The following DOK4 variants were observed in gnomAD, a reference collection of about 807,000 sequenced individuals.
The protein encoded by DOK4 is docking protein 4.
A neutral mutation model predicts 40.1 loss-of-function variants in DOK4; 26 were observed. The ratio of observed to expected loss-of-function variants is 0.65; its 90% CI spans 0.48 to 0.90. The LOEUF is 0.90. DOK4 is among the 40% of genes least tolerant of loss of function. DOK4 has a pLI of 0.00. For missense variants in DOK4, 392 were observed against 437.2 expected, an observed-to-expected ratio of 0.90 and a Z score of 0.92; for synonymous variants, 179 against 177.0, an observed-to-expected ratio of 1.01 and a Z score of -0.09.
chr16:57,484,266 C>T (rs2031489675), intron 1 of DOK4: 1 of 152,266 alleles, frequency 6.6e-6, no homozygotes, highest in Admixed American at 6.5e-5. Context: ...CAGGAACAGC[C>T]CTACCTGGAC....
chr16:57,482,399 C>G lies in DOK4; in HGVS notation c.-181-2711G>C, dbSNP rs192353668. Among the ~76,000 whole-genome samples, 43 of 129,946 alleles carry G rather than the reference C, an allele frequency of 3.3e-4. 1 individual carries two copies. Among genetic ancestry groups the G allele is most frequent in the Admixed American group, 1.8e-3 (22 of 12,082 alleles). 85.2% of individuals were successfully genotyped at this position (129,946 alleles called of 152,430 possible). ...TTTTTTTTTTTGAGACGGAGTCTCACTCTATTGCCCAGGCTGGAGTGCAGT... is the reference window on the plus strand; with the variant it reads ...TTTTTTTTTTTGAGACGGAGTCTCAGTCTATTGCCCAGGCTGGAGTGCAGT... On this transcript the variant is annotated intron_variant, in intron 1 of 8. Transcript: ENST00000340099.
intron 6 of DOK4, 51 bp from the exon 7 acceptor site, chr16:57,474,090 C>T: frequency 6.2e-7 from 1 of 1,606,938 alleles, no homozygotes; most frequent in Non-Finnish European, 8.5e-7. Context: ...CACAGACATG[C>T]ATGTGATTAG....
chr16:57,479,352 G>A lies in DOK4; in HGVS notation c.66+90C>T, dbSNP rs1282852227. The A allele has an allele frequency of 7.9e-5, 113 of 1,437,552 alleles. No homozygotes were observed. Among genetic ancestry groups the A allele is most frequent in the Non-Finnish European group, 9.2e-5 (96 of 1,042,832 alleles). 89.0% of individuals were successfully genotyped at this position (1,437,552 alleles called of 1,614,324 possible). A position where few individuals can be genotyped will look rare whatever the true frequency, so the allele number is the denominator to read the frequency against. ...TGCCCGGCAGCCGGAGGGCAGCCGC[G>A]TGCCCCACGCGCCATGCCTCCAAGC... On this transcript the variant is annotated intron_variant, in intron 2 of 8. Coordinates refer to ENST00000340099, the Ensembl canonical transcript of DOK4. The surrounding 1 kb of genome is among the most constrained non-coding windows in gnomAD (Gnocchi z 5.8).
intron 2 of DOK4, chr16:57,476,216 C>CA (rs2031176682): frequency 2.0e-6 from 1 of 505,870 alleles, no homozygotes; most frequent in East Asian, 3.6e-5. Flanking sequence ...CCTGACCTGC[C>CA]ATGTACTGTG....
At position 57,479,415 on chromosome 16, in the gene DOK4, GC is replaced by G; in HGVS notation, c.66+26del. The G allele has an allele frequency of 6.2e-7, 1 of 1,611,380 alleles. No individual in the cohort carries two copies. ...CCTCGGGCCCCCATCCCTTGGCAGG[GC>G]CCCTCCGCAGCTCAGGGTCACTCAC... On this transcript the variant is annotated intron_variant, in intron 2 of 8. Coordinates refer to ENST00000340099, the Ensembl canonical transcript of DOK4. The surrounding 1 kb of genome is among the most constrained non-coding windows in gnomAD (Gnocchi z 5.8).
At chr16:57,475,032 G>A (rs1324113444) in intron 5 of DOK4, 50 bp from the exon 6 acceptor site, 1 of 1,599,830 alleles carries the variant, frequency 6.3e-7, no homozygotes, top group African/African-American at 1.3e-5. Flanking sequence ...CCCAGATGGG[G>A]ACTTCCTCCC....
At chr16:57,483,459 C>T (rs993226717) in intron 1 of DOK4, among the ~76,000 whole-genome samples, 12 of 151,768 alleles carry the variant, frequency 7.9e-5, no homozygotes, top group Non-Finnish European at 1.8e-4. Flanking sequence ...AGAGAGACCC[C>T]GTCTCTACAA....
At chr16:57,475,480 G>GA in intron 4 of DOK4, 26 bp downstream of exon 4, 1 of 1,576,090 alleles carries the variant, frequency 6.3e-7, no homozygotes, top group Non-Finnish European at 8.6e-7. Context: ...AGGGGAGGCA[G>GA]ATGGAGGCCC....
In DOK4 at chr16:57,473,998, T is replaced by A. The variant is rs771689498; in HGVS notation, c.641A>T (p.Gln214Leu). ...GCGCTGGTAAATCTGCTCCCCCTCTTGTGTCTGGAAGGTATAGAGTCCTTC... is the reference window on the plus strand; with the variant it reads ...GCGCTGGTAAATCTGCTCCCCCTCTAGTGTCTGGAAGGTATAGAGTCCTTC... The change falls in exon 7 of 9, where the codon CAA becomes CTA. Residue 214 changes from glutamine to leucine, a missense_variant. Coordinates refer to ENST00000340099, the Ensembl canonical transcript of DOK4. The A allele has an allele frequency of 3.1e-6, 5 of 1,614,112 alleles. No individual in the cohort carries two copies. The East Asian group carries it at 1.1e-4, about 36-fold the overall frequency.
chr16:57,474,866 G>T, exon 6 of DOK4: 1 of 1,614,210 alleles, frequency 6.2e-7, no homozygotes, highest in African/African-American at 1.3e-5. Context: ...CACGAGACGA[G>T]CTTCACACGG....
At chr16:57,473,413 C>T (rs779698547) in exon 9 of DOK4, 2 of 1,614,118 alleles carry the variant, frequency 1.2e-6, no homozygotes, top group South Asian at 2.2e-5. Flanking sequence ...TGCTGTCCCC[C>T]TGGCTGGGCT....
intron 3 of DOK4, 57 bp from the exon 4 acceptor site, chr16:57,475,677 T>TCTCTCTCTCC: frequency 1.2e-6 from 1 of 848,482 alleles, no homozygotes; most frequent in Non-Finnish European, 1.8e-6. Flanking sequence ...TCTCTCTCTC[T>TCTCTCTCTCC]CTCTCTCTCT....
At chr16:57,484,445 C>T (rs563124299) in intron 1 of DOK4, among the ~76,000 whole-genome samples, 1 of 152,330 alleles carries the variant, frequency 6.6e-6, no homozygotes, top group East Asian at 1.9e-4. Context: ...CCCATAGGGG[C>T]CACCGGCCAA....
chr16:57,475,319 G>T, intron 4 of DOK4, 100 bp from the exon 5 acceptor site: 3 of 1,543,290 alleles, frequency 1.9e-6, no homozygotes, highest in South Asian at 1.2e-5. Context: ...GGAGGGTAAG[G>T]ACAGTGGGTT....
chr16:57,473,272 C>T lies in DOK4; in HGVS notation c.*105G>A. The stretch of plus-strand genomic sequence containing the variant: ...AAGGAGGGGGCAGCTTGCTCCCTTT[C>T]TCCAGGCTCTTGGCCGACAGCCCCC... On this transcript the variant is annotated 3_prime_UTR_variant, in exon 9 of 9. Coordinates refer to ENST00000340099, the Ensembl canonical transcript of DOK4. 5 of 1,463,562 alleles carry T rather than the reference C, an allele frequency of 3.4e-6. No homozygotes were observed. In the South Asian group the frequency reaches 4.2e-5, roughly 12 times the overall value. 90.7% of individuals were successfully genotyped at this position (1,463,562 alleles called of 1,614,324 possible). A position where few individuals can be genotyped will look rare whatever the true frequency, so the allele number is the denominator to read the frequency against.
In DOK4 at chr16:57,482,370, T is replaced by TTG. The variant is rs1256749117; in HGVS notation, c.-181-2683_-181-2682insCA. ...TGTAGAGATGGGGCTTTTGTTTTTT[T>TTG]TTTTTTTTTTTTTTGAGACGGAGTC... On this transcript the variant is annotated intron_variant, in intron 1 of 8. Coordinates refer to ENST00000340099, the Ensembl canonical transcript of DOK4. Among the ~76,000 whole-genome samples, 13 of 141,440 alleles carry TTG rather than the reference T, an allele frequency of 9.2e-5. No individual in the cohort carries two copies. The East Asian group carries it at 2.6e-3, about 29-fold the overall frequency. The allele number at this position is 141,440 out of a possible 152,430, so 92.8% of individuals were successfully genotyped here. A position where few individuals can be genotyped will look rare whatever the true frequency, so the allele number is the denominator to read the frequency against.
At chr16:57,473,157 GTA>G in exon 9 of DOK4, 2 of 610,728 alleles carry the variant, frequency 3.3e-6, no homozygotes, top group Non-Finnish European at 2.8e-6. Flanking sequence ...ATCATTAACA[GTA>G]TATAGTCCCA....
intron 2 of DOK4, 92 bp from the exon 3 acceptor site, chr16:57,476,049 C>T (rs116927856): frequency 0.05 from 53,483 of 1,072,860 alleles, 1,589 homozygotes; most frequent in Middle Eastern, 0.072. Context: ...CCACAGGGGG[C>T]GGTGCCGCAC....
exon 5 of DOK4, chr16:57,475,137 A>G: frequency 1.9e-6 from 3 of 1,613,688 alleles, no homozygotes; most frequent in Non-Finnish European, 2.5e-6. Flanking sequence ...CCAGGAGGTC[A>G]GGTTCTCCCA....
Sources: allele counts gnomAD v4.1 joint callset (sites outside exome capture counted in the v4.1 genomes callset), GRCh38; gene constraint gnomAD v4.1.1; non-coding constraint Gnocchi (gnomAD v3.1); transcripts MANE v1.5; gene names NCBI Gene and HGNC (gene_info 2026-07-23, HGNC 2026-07-21).